Variants in TSHZ3 observed in about 807,000 individuals in gnomAD.
TSHZ3 encodes the protein teashirt zinc finger homeobox 3.
A neutral mutation model predicts 64.5 loss-of-function variants in TSHZ3; 10 were observed. The ratio of observed to expected loss-of-function variants is 0.16; its 90% confidence interval spans 0.10 to 0.26. TSHZ3 has a LOEUF of 0.26. Among genes scored for constraint, TSHZ3 ranks in the 10% least tolerant of loss-of-function variants. The probability of loss-of-function intolerance (pLI) is 1.00; values close to 1 mark genes in which losing one functional copy is unlikely to be tolerated. For synonymous variants in TSHZ3, 608 were observed against 593.1 expected (o/e 1.03, Z -0.36); for missense variants, 1,242 against 1,421.7 (o/e 0.87, Z 2.03).
chr19:31,268,153 G>C (rs958989180), intron 1 of TSHZ3, among the ~76,000 whole-genome samples: 1 of 152,122 alleles, frequency 6.6e-6, no homozygotes, highest in East Asian at 1.9e-4. Flanking sequence ...TGTAAGATGC[G>C]CCTTTGCTCT....
chr19:31,212,489 G>A (rs1975270937), intron 4 of TSHZ3, among the ~76,000 whole-genome samples: 2 of 152,034 alleles, frequency 1.3e-5, no homozygotes, highest in East Asian at 3.9e-4. Context: ...AAAATAAAAA[G>A]CAAAAGGCTC....
intron 1 of TSHZ3, among the ~76,000 whole-genome samples, chr19:31,250,718 C>T (rs1975828297): frequency 6.6e-6 from 1 of 152,204 alleles, no homozygotes; most frequent in Non-Finnish European, 1.5e-5. Flanking sequence ...CCGGCTGGCG[C>T]TGTCATCTCA....
intron 1 of TSHZ3, among the ~76,000 whole-genome samples, chr19:31,289,763 C>A (rs1456911275): frequency 2.0e-5 from 3 of 152,118 alleles, no homozygotes; most frequent in African/African-American, 7.2e-5. Context: ...CCAAGCTGGG[C>A]CGCGTTCTCC....
chr19:31,336,405 C>T (rs533391231), intron 1 of TSHZ3, among the ~76,000 whole-genome samples: 1 of 152,120 alleles, frequency 6.6e-6, no homozygotes, highest in Non-Finnish European at 1.5e-5. Flanking sequence ...CTTTGTGGGA[C>T]CACACGGAGA....
chr19:31,308,499 TCG>T, intron 1 of TSHZ3: 1 of 322,640 alleles, frequency 3.1e-6, no homozygotes, highest in Non-Finnish European at 5.5e-6. Context: ...TTGTTTGTCA[TCG>T]TCTCCAGCGT....
intron 1 of TSHZ3, among the ~76,000 whole-genome samples, chr19:31,246,064 C>T (rs375289312): frequency 2.0e-5 from 3 of 152,176 alleles, no homozygotes; most frequent in East Asian, 3.9e-4. Context: ...TTCAGCATCT[C>T]GAGTTAAGCT....
intron 1 of TSHZ3, among the ~76,000 whole-genome samples, chr19:31,254,332 C>A (rs962809788): frequency 6.6e-6 from 1 of 152,166 alleles, no homozygotes; most frequent in Non-Finnish European, 1.5e-5. Flanking sequence ...GTCCCCAGCA[C>A]GGCCGGGCCT....
intron 1 of TSHZ3, among the ~76,000 whole-genome samples, chr19:31,285,468 A>G (rs947853892): frequency 4.9e-5 from 6 of 122,430 alleles, no homozygotes; most frequent in African/African-American, 2.2e-4. Context: ...TGACAGAGTG[A>G]TTCTGTCTCA....
intron 1 of TSHZ3, among the ~76,000 whole-genome samples, chr19:31,335,195 C>A (rs900789003): frequency 6.6e-6 from 1 of 152,208 alleles, no homozygotes; most frequent in Non-Finnish European, 1.5e-5. Context: ...AAATGATTCA[C>A]GGGATCTTTC....
chr19:31,290,364 A>G (rs577209841), intron 1 of TSHZ3, among the ~76,000 whole-genome samples: 62 of 152,166 alleles, frequency 4.1e-4, no homozygotes, highest in Non-Finnish European at 3.7e-4. Context: ...TGAAGGCAGG[A>G]CTTCCTTTTT....
intron 5 of TSHZ3, among the ~76,000 whole-genome samples, chr19:31,160,161 G>A (rs1221839496): frequency 1.3e-5 from 2 of 152,020 alleles, no homozygotes; most frequent in African/African-American, 2.4e-5. Flanking sequence ...TTTATGTATT[G>A]CAAGTAAAGT....
intron 6 of TSHZ3, among the ~76,000 whole-genome samples, chr19:31,151,812 C>CA (rs781300522): frequency 6.6e-6 from 1 of 152,190 alleles, no homozygotes; most frequent in Non-Finnish European, 1.5e-5. Context: ...CTGGCGTTAT[C>CA]AATGGCCTGG....
chr19:31,320,315 C>T (rs1295665100), intron 1 of TSHZ3, among the ~76,000 whole-genome samples: 5 of 152,264 alleles, frequency 3.3e-5, no homozygotes, highest in South Asian at 2.1e-4. Flanking sequence ...GGATCCTGGA[C>T]GTAGTCCTTT....
chr19:31,174,464 A>G (rs1974581132), intron 5 of TSHZ3, among the ~76,000 whole-genome samples: 2 of 152,204 alleles, frequency 1.3e-5, no homozygotes, highest in African/African-American at 2.4e-5. Context: ...TTAAATGTTA[A>G]TCTAATCCAG....
At chr19:31,165,056 G>A (rs570456831) in intron 5 of TSHZ3, among the ~76,000 whole-genome samples, 24 of 152,308 alleles carry the variant, frequency 1.6e-4, no homozygotes, top group African/African-American at 5.5e-4. Flanking sequence ...GCTCTGTGCA[G>A]GGACAGAGGC....
At chr19:31,189,673 G>A (rs1367342910) in intron 5 of TSHZ3, among the ~76,000 whole-genome samples, 1 of 151,862 alleles carries the variant, frequency 6.6e-6, no homozygotes, top group African/African-American at 2.4e-5. Flanking sequence ...CTTGGTGAAT[G>A]TTCCAGATGC....
chr19:31,197,318 G>C (rs570037891), intron 5 of TSHZ3, among the ~76,000 whole-genome samples: 1 of 151,422 alleles, frequency 6.6e-6, no homozygotes, highest in African/African-American at 2.4e-5. Flanking sequence ...GTGCTTACAG[G>C]GGAATTTATA....
chr19:31,198,021 C>A (rs955364514), intron 5 of TSHZ3, among the ~76,000 whole-genome samples: 1 of 152,034 alleles, frequency 6.6e-6, no homozygotes, highest in African/African-American at 2.4e-5. Context: ...AACCAAAATT[C>A]TCATGGACAT....
Position 31,277,331 on chromosome 19 carries a change from G to A in TSHZ3, c.2462C>T (p.Thr821Met), listed in dbSNP as rs142735417. Residue 821 changes from threonine (T) to methionine (M), a missense_variant, in exon 2 of 2, where the codon ACG (threonine) becomes ATG (methionine). Transcript: ENST00000240587. The surrounding 1 kb of genome is among the most constrained non-coding windows in gnomAD (Gnocchi z 4.5). ...TSTAPATSSS[T>M]VTTAKTSAVV... ...GGCAGATGTCTTTGCCGTTGTCACC[G>A]TGGATGAGGAGGTTGCCGGGGCTGT... 5.1e-5 allele frequency: 82 copies of A among 1,613,602 alleles called. No individual in the cohort carries two copies. Among genetic ancestry groups the A allele is most frequent in the East Asian group, 6.7e-5 (3 of 44,876 alleles).
Sources: allele counts gnomAD v4.1 joint callset (sites outside exome capture counted in the v4.1 genomes callset), GRCh38; gene constraint gnomAD v4.1.1; non-coding constraint Gnocchi (gnomAD v3.1); transcripts MANE v1.5; gene names NCBI Gene and HGNC (gene_info 2026-07-23, HGNC 2026-07-21).